Variants in ZNF248 observed in about 807,000 individuals in gnomAD.
ZNF248 encodes KRAB protein domain.
In ZNF248, 20 loss-of-function variants were observed where a neutral mutation model predicts 44.3. The ratio of observed to expected loss-of-function variants is 0.45; its 90% confidence interval spans 0.32 to 0.66. The LOEUF is 0.66. Ranked by LOEUF, ZNF248 falls within the 30% of genes least tolerant of loss-of-function variation. The probability of loss-of-function intolerance (pLI) is 0.04; values close to 1 mark genes in which losing one functional copy is unlikely to be tolerated. For synonymous variants in ZNF248, 224 were observed against 229.0 expected, an observed-to-expected ratio of 0.98 and a Z score of 0.20; for missense variants, 654 against 677.0, an observed-to-expected ratio of 0.97 and a Z score of 0.38.
Position 37,837,664 on chromosome 10 carries a change from TCTC to T in ZNF248, c.188_190del (p.Gly63del). The stretch of plus-strand genomic sequence containing the variant: ...TCCTTTTTCTAATATCCAGGGCTCT[TCTC>T]CTTGCTCGATCTTAAAGATCACTTC... On this transcript the variant is annotated inframe_deletion, in exon 5 of 6. Transcript: ENST00000395867. 6.2e-7 allele frequency: 1 copy of T among 1,614,116 alleles called. No individual in the cohort carries two copies. The highest frequency in any genetic ancestry group is 8.5e-7 in the Non-Finnish European group (1 of 1,180,016).
At chr10:37,815,502 A>G (rs917304415) in intron 6 of ZNF248, among the ~76,000 whole-genome samples, 2 of 151,910 alleles carry the variant, frequency 1.3e-5, no homozygotes, top group Non-Finnish European at 2.9e-5. Context: ...TGTTTTCTCT[A>G]TCTTTATTGA....
At chr10:37,788,526 C>A (rs2133025401) in intron 6 of ZNF248, among the ~76,000 whole-genome samples, 1 of 152,190 alleles carries the variant, frequency 6.6e-6, no homozygotes, top group South Asian at 2.1e-4. Flanking sequence ...GAGACTGAGG[C>A]AGGAGAATCA....
chr10:37,779,836 T>G (rs2047062933), intron 6 of ZNF248, among the ~76,000 whole-genome samples: 1 of 150,628 alleles, frequency 6.6e-6, no homozygotes, highest in Admixed American at 6.7e-5. Flanking sequence ...ACAAAATCAA[T>G]GTACAAAAAT....
At chr10:37,774,584 T>G (rs1487678070), downstream of ZNF248, among the ~76,000 whole-genome samples, 2 of 152,184 alleles carry the variant, frequency 1.3e-5, no homozygotes, top group Non-Finnish European at 2.9e-5. Flanking sequence ...ATCTACCACC[T>G]GGATCAATTG....
chr10:37,813,614 C>T (rs1208703), intron 6 of ZNF248, among the ~76,000 whole-genome samples: 20 of 152,050 alleles, frequency 1.3e-4, no homozygotes, highest in African/African-American at 4.6e-4. Flanking sequence ...TTTTTCTTTA[C>T]CTTACTTTAT....
chr10:37,818,011 G>C (rs1175758835), intron 6 of ZNF248, among the ~76,000 whole-genome samples: 1 of 152,102 alleles, frequency 6.6e-6, no homozygotes, highest in Non-Finnish European at 1.5e-5. Context: ...CGCCTCTCGG[G>C]TTCACGACAT....
At chr10:37,823,401 A>C (rs1277405993) in intron 6 of ZNF248, among the ~76,000 whole-genome samples, 2 of 151,808 alleles carry the variant, frequency 1.3e-5, no homozygotes, top group East Asian at 3.9e-4. Flanking sequence ...TTAACAAAAA[A>C]ATGAAACGTA....
intron 3 of ZNF248, among the ~76,000 whole-genome samples, chr10:37,854,431 T>C (rs1178967152): frequency 1.3e-5 from 2 of 152,132 alleles, no homozygotes; most frequent in Non-Finnish European, 2.9e-5. Context: ...ACAGTTAAGT[T>C]CATAGAAAAA....
the ZNF248 span, among the ~76,000 whole-genome samples, chr10:37,765,901 T>C: frequency 3.9e-5 from 6 of 152,198 alleles, no homozygotes; most frequent in African/African-American, 1.4e-4. Flanking sequence ...ATTGGGTCAC[T>C]CCCACCCTAA....
chr10:37,770,473 C>G, the ZNF248 span, among the ~76,000 whole-genome samples: 18 of 152,284 alleles, frequency 1.2e-4, no homozygotes, highest in Non-Finnish European at 1.9e-4. Flanking sequence ...TGCTGCATAT[C>G]TACAACCATC....
intron 6 of ZNF248, among the ~76,000 whole-genome samples, chr10:37,808,542 C>T (rs1171980940): frequency 6.6e-6 from 1 of 152,058 alleles, no homozygotes; most frequent in Non-Finnish European, 1.5e-5. Flanking sequence ...GCTTTGGCCT[C>T]CCAAAATGCT....
At chr10:37,771,789 AT>A (rs1276808678), downstream of ZNF248, among the ~76,000 whole-genome samples, 1 of 152,136 alleles carries the variant, frequency 6.6e-6, no homozygotes. Context: ...ATAAAATAAA[AT>A]TAAAAAAAAC....
At position 37,832,755 on chromosome 10, in the gene ZNF248, A is replaced by G; in HGVS notation, c.600T>C (p.Asn200=). ...TTGGCTGACTGAGATCCTGGTGATA[A>G]TTAATGGCATTCCTTTTTTGATCAT... ...YKYDQKRNAI[N]YHQDLSQPSF... is the part of the protein sequence containing the mutation. The change falls in exon 6 of 6, where the codon AAT becomes AAC. Residue 200 remains asparagine, a synonymous_variant. Coordinates refer to ENST00000395867, the MANE Select transcript of ZNF248 (RefSeq NM_021045.3). The G allele has an allele frequency of 6.2e-7, 1 of 1,613,746 alleles. No individual in the cohort carries two copies. The highest frequency in any genetic ancestry group is 1.1e-5 in the South Asian group (1 of 91,072).
intron 6 of ZNF248, among the ~76,000 whole-genome samples, chr10:37,817,981 T>C (rs541235859): frequency 2.0e-4 from 30 of 152,276 alleles, no homozygotes; most frequent in African/African-American, 7.0e-4. Context: ...AGTGGCGTGA[T>C]CTCGGCTCAC....
At chr10:37,798,475 T>C (rs1175624856) in intron 6 of ZNF248, among the ~76,000 whole-genome samples, 7 of 152,160 alleles carry the variant, frequency 4.6e-5, no homozygotes, top group South Asian at 2.1e-4. Context: ...GGAATTTCCA[T>C]GTGCACTAAT....
chr10:37,855,636 C>A (rs1259672071), intron 3 of ZNF248, among the ~76,000 whole-genome samples: 2 of 151,998 alleles, frequency 1.3e-5, no homozygotes, highest in African/African-American at 4.8e-5. Flanking sequence ...ACTCTCCAAA[C>A]AAAGACCATG....
chr10:37,777,679 T>TC (rs1179902461), intron 6 of ZNF248, among the ~76,000 whole-genome samples: 6 of 81,658 alleles, frequency 7.3e-5, no homozygotes. Flanking sequence ...ATGCTATCCC[T>TC]CCCCCCTCCC....
Position 37,831,045 on chromosome 10 carries a change from C to T in ZNF248, c.*570G>A. ...GTAGAAATATATTTACATATACACA[C>T]AAACATATGTACATACACATATATA... On this transcript the variant is annotated 3_prime_UTR_variant, in exon 6 of 6. Coordinates refer to ENST00000395867, the MANE Select transcript of ZNF248 (RefSeq NM_021045.3). 9.2e-7 allele frequency: 1 copy of T among 1,083,272 alleles called. No homozygotes were observed. 67.1% of individuals were successfully genotyped at this position (1,083,272 alleles called of 1,614,324 possible). A position where few individuals can be genotyped will look rare whatever the true frequency, so the allele number is the denominator to read the frequency against.
the ZNF248 span, among the ~76,000 whole-genome samples, chr10:37,770,985 A>C: frequency 1.3e-5 from 2 of 152,256 alleles, no homozygotes; most frequent in African/African-American, 4.8e-5. Flanking sequence ...ACTTTTCAAA[A>C]GAAGACATTT....
Sources: allele counts gnomAD v4.1 joint callset (sites outside exome capture counted in the v4.1 genomes callset), GRCh38; gene constraint gnomAD v4.1.1; transcripts MANE v1.5; gene names NCBI Gene and HGNC (gene_info 2026-07-23, HGNC 2026-07-21).